CYP2C19: variants seen among roughly 807,000 people sequenced by gnomAD.
CYP2C19 encodes cytochrome P450 2C19.
A neutral mutation model predicts 40.9 loss-of-function variants in CYP2C19; 59 were observed. The ratio of observed to expected loss-of-function variants is 1.44; its 90% CI spans 1.17 to 1.79. CYP2C19 has a LOEUF of 1.79. Ranked by LOEUF, CYP2C19 falls within the 40% of genes most tolerant of loss-of-function variation. CYP2C19 has a pLI of 0.00. For missense variants in CYP2C19, 754 were observed against 596.9 expected (o/e 1.26, Z -2.74); for synonymous variants, 253 against 208.7 (o/e 1.21, Z -1.83).
intron 5 of CYP2C19, among the ~76,000 whole-genome samples, chr10:94,807,977 G>A (rs1848859274): frequency 6.6e-6 from 1 of 151,804 alleles, no homozygotes; most frequent in East Asian, 1.9e-4. Context: ...CATTTCTCCT[G>A]TTTTTCTTCT....
At chr10:94,800,387 T>C (rs955369252) in intron 5 of CYP2C19, among the ~76,000 whole-genome samples, 23 of 152,224 alleles carry the variant, frequency 1.5e-4, no homozygotes, top group Admixed American at 7.2e-4. Context: ...TGCTCCTTTC[T>C]CTGGAAGCTT....
At position 94,827,603 on chromosome 10, in the gene CYP2C19, C is replaced by A. The variant is rs553940127; in HGVS notation, c.961+6966C>A. 3.1e-3 allele frequency among the ~76,000 whole-genome samples: 467 copies of A among 151,992 alleles called. 2 individuals are homozygous for A. The highest frequency in any genetic ancestry group is 0.011 in the African/African-American group (441 of 41,468). ...GGTCTATCAATTTTGTTGATCCTTTCAAAAAAACCAGCTCCTGGATTCATT... is the reference window on the plus strand; with the variant it reads ...GGTCTATCAATTTTGTTGATCCTTTAAAAAAAACCAGCTCCTGGATTCATT... On this transcript the variant is annotated intron_variant, in intron 6 of 8. Transcript: ENST00000371321.
intron 1 of CYP2C19, 110 bp from the exon 2 acceptor site, chr10:94,774,948 T>C: frequency 8.6e-7 from 1 of 1,156,308 alleles, no homozygotes; most frequent in Non-Finnish European, 1.2e-6. Context: ...TTTGAGCCTG[T>C]GTGACTGAAT....
intron 7 of CYP2C19, among the ~76,000 whole-genome samples, chr10:94,847,824 G>A (rs557051836): frequency 2.0e-5 from 3 of 152,240 alleles, no homozygotes; most frequent in Admixed American, 6.5e-5. Flanking sequence ...TTTTGTGATG[G>A]CCAGTGATGA....
chr10:94,780,470 A>G, intron 3 of CYP2C19, 29 bp from the exon 4 acceptor site: 2 of 1,611,108 alleles, frequency 1.2e-6, no homozygotes, highest in Non-Finnish European at 1.7e-6. Flanking sequence ...ATGTTTACTC[A>G]TATTTTAAAA....
intron 6 of CYP2C19, among the ~76,000 whole-genome samples, chr10:94,828,414 G>T (rs1386588521): frequency 3.3e-5 from 5 of 150,306 alleles, no homozygotes; most frequent in Admixed American, 6.6e-5. Flanking sequence ...TTACCATTAT[G>T]TAATGGCCTT....
At position 94,780,507 on chromosome 10, in the gene CYP2C19, T is replaced by C; in HGVS notation, c.490T>C (p.Cys164Arg). ...TGTTTCCAATCATTTAGCTTCACCC[T>C]GTGATCCCACTTTCATCCTGGGCTG... ...EELRKTKASP[C>R]DPTFILGCAP... is the part of the protein sequence containing the mutation. Residue 164 changes from cysteine (C) to arginine (R), a missense_variant, in exon 4 of 9, where the codon TGT becomes CGT. By Grantham distance (180) the Cys-to-Arg change is radical. Coordinates refer to ENST00000371321, the MANE Select transcript of CYP2C19 (RefSeq NM_000769.4). The C allele has an allele frequency of 6.2e-7, 1 of 1,613,556 alleles. No individual in the cohort carries two copies. The highest frequency in any genetic ancestry group is 8.5e-7 in the Non-Finnish European group (1 of 1,179,906).
intron 6 of CYP2C19, among the ~76,000 whole-genome samples, chr10:94,840,530 T>C (rs1001425774): frequency 7.9e-5 from 12 of 152,090 alleles, no homozygotes; most frequent in Admixed American, 5.2e-4. Flanking sequence ...CATTAGTACC[T>C]AGGAGGCAGG....
At chr10:94,779,246 C>T (rs1185556731) in intron 3 of CYP2C19, among the ~76,000 whole-genome samples, 4 of 152,026 alleles carry the variant, frequency 2.6e-5, no homozygotes, top group African/African-American at 9.7e-5. Flanking sequence ...CAAATCTGCA[C>T]AATTCTGCAC....
intron 6 of CYP2C19, among the ~76,000 whole-genome samples, chr10:94,826,826 A>G (rs1191597394): frequency 4.6e-5 from 7 of 152,166 alleles, no homozygotes; most frequent in Non-Finnish European, 1.0e-4. Context: ...ATTTTGAAAT[A>G]CATCCCATCA....
At chr10:94,802,082 A>AT (rs953375478) in intron 5 of CYP2C19, among the ~76,000 whole-genome samples, 54 of 151,944 alleles carry the variant, frequency 3.6e-4, no homozygotes, top group African/African-American at 1.3e-3. Flanking sequence ...TGATTGGTCC[A>AT]TTTTACCGAG....
intron 5 of CYP2C19, among the ~76,000 whole-genome samples, chr10:94,787,991 A>T (rs1001055579): frequency 1.3e-5 from 2 of 152,074 alleles, no homozygotes; most frequent in African/African-American, 2.4e-5. Flanking sequence ...GATTGTTTTA[A>T]TCCATAAGCA....
At chr10:94,849,519 T>C (rs1047034433) in intron 7 of CYP2C19, among the ~76,000 whole-genome samples, 11 of 151,882 alleles carry the variant, frequency 7.2e-5, no homozygotes, top group Non-Finnish European at 1.3e-4. Context: ...TTAGGGTACA[T>C]GTGCACAATG....
intron 5 of CYP2C19, among the ~76,000 whole-genome samples, chr10:94,818,865 A>G (rs930130397): frequency 6.6e-6 from 1 of 151,936 alleles, no homozygotes; most frequent in African/African-American, 2.4e-5. Flanking sequence ...CTCTTTTCCT[A>G]ATTGAATCCC....
intron 6 of CYP2C19, among the ~76,000 whole-genome samples, chr10:94,839,828 T>C (rs976077229): frequency 6.6e-5 from 10 of 152,214 alleles, no homozygotes; most frequent in Admixed American, 6.5e-4. Flanking sequence ...TCCTCCTATG[T>C]CTGGTCGGAC....
At chr10:94,843,853 A>C (rs1410274052) in intron 7 of CYP2C19, among the ~76,000 whole-genome samples, 2 of 152,204 alleles carry the variant, frequency 1.3e-5, no homozygotes, top group Non-Finnish European at 2.9e-5. Context: ...AATCTGCAGG[A>C]AGCAGTGGAA....
chr10:94,808,269 T>C (rs1256133037), intron 5 of CYP2C19, among the ~76,000 whole-genome samples: 1 of 150,136 alleles, frequency 6.7e-6, no homozygotes, highest in Non-Finnish European at 1.5e-5. Flanking sequence ...ATATTATAGA[T>C]TTATAGTAAT....
chr10:94,787,717 C>A (rs983381397), intron 5 of CYP2C19, among the ~76,000 whole-genome samples: 1 of 152,068 alleles, frequency 6.6e-6, no homozygotes, highest in Non-Finnish European at 1.5e-5. Context: ...GTATGGCTAG[C>A]CAGTTATCCT....
At position 94,791,933 on chromosome 10, in the gene CYP2C19, G is replaced by T. The variant is rs144602681; in HGVS notation, c.819+9936G>T. Among the ~76,000 whole-genome samples, 235 of 152,034 alleles carry T rather than the reference G, an allele frequency of 1.5e-3. 2 individuals are homozygous for T. The highest frequency in any genetic ancestry group is 5.4e-3 in the African/African-American group (225 of 41,528). On this transcript the variant is annotated intron_variant, in intron 5 of 8. Coordinates refer to ENST00000371321, the MANE Select transcript of CYP2C19 (RefSeq NM_000769.4). The stretch of plus-strand genomic sequence containing the variant: ...TCCTGGATATCCTTATTAACTTTCT[G>T]TCTCGATCTGTCAAATGTTGACAGT...
Sources: allele counts gnomAD v4.1 joint callset (sites outside exome capture counted in the v4.1 genomes callset), GRCh38; gene constraint gnomAD v4.1.1; transcripts MANE v1.5; gene names NCBI Gene and HGNC (gene_info 2026-07-23, HGNC 2026-07-21).